Variants in PCDH9 observed in about 807,000 individuals in gnomAD.
The protein encoded by PCDH9 is protocadherin-9.
In PCDH9, 24 loss-of-function variants were observed where a neutral mutation model predicts 70.6. That is an observed-to-expected ratio of 0.34 (90% CI 0.25 to 0.48). The LOEUF (loss-of-function observed/expected upper bound fraction) is 0.48, where lower values mean the gene tolerates loss of function less well. PCDH9 is among the 20% of genes least tolerant of loss of function. The probability of loss-of-function intolerance (pLI) is 0.99; values close to 1 mark genes in which losing one functional copy is unlikely to be tolerated. For synonymous variants in PCDH9, 562 were observed against 558.5 expected (o/e 1.01, Z -0.09); for missense variants, 1,281 against 1,503.6 (o/e 0.85, Z 2.45).
chr13:66,620,669 T>C (rs558631646), intron 4 of PCDH9, among the ~76,000 whole-genome samples: 1 of 152,218 alleles, frequency 6.6e-6, no homozygotes, highest in African/African-American at 2.4e-5. Context: ...TATCTAGTAC[T>C]TTCTCTCCTA....
intron 4 of PCDH9, among the ~76,000 whole-genome samples, chr13:66,311,383 T>C (rs1372824068): frequency 6.6e-6 from 1 of 151,870 alleles, no homozygotes; most frequent in African/African-American, 2.4e-5. Context: ...TGTGTGTGTG[T>C]GTGTGTTATT....
At chr13:67,094,709 A>G (rs1357238811) in intron 2 of PCDH9, among the ~76,000 whole-genome samples, 1 of 151,580 alleles carries the variant, frequency 6.6e-6, no homozygotes, top group African/African-American at 2.4e-5. Context: ...AATAAAATAG[A>G]CTTTTTTCAA....
chr13:66,675,399 C>T (rs1387867858), intron 3 of PCDH9, among the ~76,000 whole-genome samples: 1 of 152,044 alleles, frequency 6.6e-6, no homozygotes, highest in Non-Finnish European at 1.5e-5. Flanking sequence ...CTCAAAGTTG[C>T]AAACTTAGTA....
intron 3 of PCDH9, among the ~76,000 whole-genome samples, chr13:66,747,334 G>C (rs907434272): frequency 5.3e-5 from 8 of 151,988 alleles, no homozygotes; most frequent in Non-Finnish European, 1.2e-4. Context: ...CTGGGCAACA[G>C]TGCGAGACGC....
chr13:66,339,318 C>T (rs1956087820), intron 4 of PCDH9, among the ~76,000 whole-genome samples: 1 of 152,028 alleles, frequency 6.6e-6, no homozygotes, highest in South Asian at 2.1e-4. Flanking sequence ...TAAGACATTA[C>T]ACTCAATGGC....
chr13:66,872,703 G>A (rs9571680), intron 3 of PCDH9, among the ~76,000 whole-genome samples: 60,123 of 151,860 alleles, frequency 0.4, 12,749 homozygotes, highest in African/African-American at 0.56. Flanking sequence ...TTTAACACAG[G>A]TATCCCATAG....
chr13:66,404,497 G>A (rs1005670917), intron 4 of PCDH9, among the ~76,000 whole-genome samples: 2 of 151,946 alleles, frequency 1.3e-5, no homozygotes, highest in African/African-American at 4.8e-5. Flanking sequence ...TCTCTTGTAA[G>A]GAAATTGGAT....
At chr13:67,029,880 G>C (rs2084869388) in intron 2 of PCDH9, among the ~76,000 whole-genome samples, 2 of 152,170 alleles carry the variant, frequency 1.3e-5, no homozygotes, top group South Asian at 2.1e-4. Flanking sequence ...AAACAAGCCA[G>C]AACACTTTAT....
At chr13:67,228,998 G>A (rs1294774424) in intron 1 of PCDH9, among the ~76,000 whole-genome samples, 1 of 152,192 alleles carries the variant, frequency 6.6e-6, no homozygotes, top group African/African-American at 2.4e-5. Context: ...TGTCAAATGT[G>A]TTTTCTTCTC....
intron 4 of PCDH9, among the ~76,000 whole-genome samples, chr13:66,346,636 G>C (rs1956217062): frequency 6.6e-6 from 1 of 152,076 alleles, no homozygotes; most frequent in Non-Finnish European, 1.5e-5. Context: ...AGAGCAGCCT[G>C]GGTATCTAGG....
chr13:66,599,371 C>G (rs2138840186), intron 4 of PCDH9, among the ~76,000 whole-genome samples: 1 of 151,692 alleles, frequency 6.6e-6, no homozygotes, highest in South Asian at 2.1e-4. Context: ...TTTAAAATCC[C>G]TAAAGATTTA....
At chr13:66,466,475 T>C (rs1282556968) in intron 4 of PCDH9, among the ~76,000 whole-genome samples, 1 of 152,066 alleles carries the variant, frequency 6.6e-6, no homozygotes, top group Non-Finnish European at 1.5e-5. Flanking sequence ...ATCTTCCAAC[T>C]ATTTGTTGCA....
chr13:67,115,310 G>C (rs1349679728), intron 2 of PCDH9, among the ~76,000 whole-genome samples: 1 of 152,200 alleles, frequency 6.6e-6, no homozygotes, highest in African/African-American at 2.4e-5. Flanking sequence ...ATATCTTTGT[G>C]AACAGCAGGC....
At chr13:66,707,841 T>G (rs529143029) in intron 3 of PCDH9, among the ~76,000 whole-genome samples, 1 of 152,304 alleles carries the variant, frequency 6.6e-6, no homozygotes, top group East Asian at 1.9e-4. Context: ...TTACAAGGTT[T>G]AATATGCTCT....
chr13:67,130,208 G>A (rs1291270702), intron 2 of PCDH9, among the ~76,000 whole-genome samples: 1 of 152,154 alleles, frequency 6.6e-6, no homozygotes, highest in Non-Finnish European at 1.5e-5. Flanking sequence ...GATAGATGCA[G>A]TCACTTAGCT....
intron 2 of PCDH9, among the ~76,000 whole-genome samples, chr13:66,930,022 T>A (rs901274962): frequency 1.3e-5 from 2 of 152,174 alleles, no homozygotes; most frequent in African/African-American, 4.8e-5. Context: ...TCTGATTATC[T>A]ATATTAATAA....
rs553339895 is a variant in PCDH9, at chr13:66,901,449, C to A, written c.3138+2055G>T. On this transcript the variant is annotated intron_variant, in intron 3 of 4. Transcript: ENST00000377865. ...ACAGATCATCAGGGATGGGTAGGAC[C>A]TTCCAGACAACCTAGTTCAAAACCA... Among the ~76,000 whole-genome samples, 7 of 151,768 alleles carry A rather than the reference C, an allele frequency of 4.6e-5. No individual in the cohort carries two copies. The South Asian group carries it at 1.5e-3, about 32-fold the overall frequency.
At chr13:66,761,544 T>G (rs557027137) in intron 3 of PCDH9, among the ~76,000 whole-genome samples, 9 of 152,298 alleles carry the variant, frequency 5.9e-5, no homozygotes, top group African/African-American at 1.9e-4. Context: ...CTTTTCATTA[T>G]TTTTTCTCCC....
At chr13:66,666,403 T>G (rs1248339810) in intron 3 of PCDH9, among the ~76,000 whole-genome samples, 1 of 151,530 alleles carries the variant, frequency 6.6e-6, no homozygotes, top group African/African-American at 2.4e-5. Context: ...CACAGATTCC[T>G]CTACCTGTCT....
Sources: gnomAD v4.1 joint callset for allele counts (sites outside exome capture counted in the v4.1 genomes callset) on GRCh38, gnomAD v4.1.1 for gene constraint, MANE v1.5 for transcripts, NCBI Gene and HGNC (gene_info 2026-07-23, HGNC 2026-07-21) for gene names.